The following SNX19 variants were observed in gnomAD, a reference collection of about 807,000 sequenced individuals.
The protein encoded by SNX19 is sorting nexin-19.
SNX19 carries 60 observed loss-of-function variants against 85.2 expected under a neutral mutation model. The ratio of observed to expected loss-of-function variants is 0.70; its 90% confidence interval spans 0.57 to 0.87. The LOEUF (loss-of-function observed/expected upper bound fraction) is 0.87. Among genes scored for constraint, SNX19 ranks in the 40% least tolerant of loss-of-function variants. The probability of loss-of-function intolerance (pLI) is 0.00; values close to 1 mark genes in which losing one functional copy is unlikely to be tolerated. For synonymous variants in SNX19, 520 were observed against 470.0 expected (o/e 1.11, Z -1.38); for missense variants, 1,201 against 1,217.8 (o/e 0.99, Z 0.21).
Position 130,908,160 on chromosome 11 carries a change from G to A in SNX19, c.2035-77C>T, listed in dbSNP as rs964488525. On this transcript the variant is annotated intron_variant, in intron 4 of 10. Transcript: ENST00000265909. ...CCGCCAAGCAAGCAGTCGCCTCACA[G>A]CACTTTATGCAACAGGACAAGGAGA... 9.8e-6 allele frequency: 15 copies of A among 1,532,294 alleles called. No homozygotes were observed. In the African/African-American group the frequency reaches 1.6e-4, roughly 17 times the overall value. 94.9% of individuals were successfully genotyped at this position (1,532,294 alleles called of 1,614,324 possible). A position where few individuals can be genotyped will look rare whatever the true frequency, so the allele number is the denominator to read the frequency against.
chr11:130,909,774 G>A (rs1405053851), intron 4 of SNX19, among the ~76,000 whole-genome samples: 1 of 152,162 alleles, frequency 6.6e-6, no homozygotes, highest in South Asian at 2.1e-4. Context: ...CAGGAGATAT[G>A]TGTACACTTA....
At position 130,866,306 on chromosome 11, in the gene SNX19, A is replaced by G. The variant is rs1040096770; in HGVS notation, c.*12116T>C. 8 of 152,232 alleles carry G rather than the reference A, an allele frequency of 5.3e-5. No individual in the cohort carries two copies. Among genetic ancestry groups the G allele is most frequent in the African/African-American group, 1.9e-4 (8 of 41,458 alleles). 9.4% of individuals were successfully genotyped at this position (152,232 alleles called of 1,614,324 possible). A position where few individuals can be genotyped will look rare whatever the true frequency, so the allele number is the denominator to read the frequency against. On this transcript the variant is annotated 3_prime_UTR_variant, in exon 11 of 11. Coordinates refer to ENST00000265909, the MANE Select transcript of SNX19 (RefSeq NM_014758.3). ...TTATGTGCAGGAGAGAGTACAAACC[A>G]ACATGCAACATAGTCTTCATTCTTA...
chr11:130,880,723 G>A lies in SNX19; in HGVS notation c.2657C>T (p.Pro886Leu). ...TGGAAACTTAGGCAAAACTCCACCA[G>A]GCCAGATGGACTCCTGAAGAAGCAG... is the stretch of plus-strand genomic sequence containing the variant. ...YLLLLQESIW[P>L]GGVLPKFPRP... is the part of the protein sequence containing the mutation. Residue 886 changes from proline (P) to leucine (L), a missense_variant, in exon 9 of 11, where the codon CCT becomes CTT. This residue lies in a region of SNX19 where 285 missense variants were observed against 295.3 expected (regional missense o/e 0.97). Transcript: ENST00000265909. 1 of 1,612,412 alleles carries A rather than the reference G, an allele frequency of 6.2e-7. No individual in the cohort carries two copies. The highest frequency in any genetic ancestry group is 8.5e-7 in the Non-Finnish European group (1 of 1,178,704).
chr11:130,912,128 A>C (rs146901094), intron 1 of SNX19, among the ~76,000 whole-genome samples: 1 of 152,226 alleles, frequency 6.6e-6, no homozygotes, highest in Non-Finnish European at 1.5e-5. Flanking sequence ...GCTAAACATC[A>C]TAAGGGGCAA....
intron 8 of SNX19, among the ~76,000 whole-genome samples, chr11:130,883,256 G>A (rs1287894221): frequency 6.6e-6 from 1 of 152,204 alleles, no homozygotes; most frequent in Non-Finnish European, 1.5e-5. Context: ...ACCTGATGAT[G>A]AAGATGAGTC....
chr11:130,901,213 C>A (rs930619934), intron 8 of SNX19, among the ~76,000 whole-genome samples: 4 of 152,102 alleles, frequency 2.6e-5, no homozygotes, highest in Admixed American at 2.6e-4. Flanking sequence ...AAAAATATCT[C>A]CAGATAATGG....
In SNX19 at chr11:130,915,660, C is replaced by T; in HGVS notation, c.280G>A (p.Ala94Thr). 2.5e-6 allele frequency: 4 copies of T among 1,614,266 alleles called. No homozygotes were observed. The highest frequency in any genetic ancestry group is 1.3e-5 in the African/African-American group (1 of 75,072). ...ATCTCCCGTTCCAGCTGCCTTTCTG[C>T]CTCAGGGCATGGAGGACAGGTGGCC... ...PLATCPPCPEAERQLEREINR... is the reference protein window; with the variant it reads ...PLATCPPCPETERQLEREINR... The change falls in exon 1 of 11, where the codon GCA becomes ACA. Residue 94 changes from alanine (A) to threonine (T), a missense_variant. Physicochemically the swap from Ala to Thr is moderately conservative, Grantham distance 58. This residue lies in a region of SNX19 where 791 missense variants were observed against 750.9 expected (regional missense o/e 1.05). Coordinates refer to ENST00000265909, the MANE Select transcript of SNX19 (RefSeq NM_014758.3).
Position 130,915,481 on chromosome 11 carries a change from A to T in SNX19, c.459T>A (p.Ala153=). 6 of 1,614,208 alleles carry T rather than the reference A, an allele frequency of 3.7e-6. No individual in the cohort carries two copies. The highest frequency in any genetic ancestry group is 5.1e-6 in the Non-Finnish European group (6 of 1,180,044). Reference sequence around the variant, plus strand: ...AGAGAGTCAGAACACTCTGGGCAACAGCATGACTGTCCATCACGCTCATCC... The same window carrying T: ...AGAGAGTCAGAACACTCTGGGCAACTGCATGACTGTCCATCACGCTCATCC... ...RRRMSVMDSH[A]VAQSVLTLCG... The change falls in exon 1 of 11, where the codon GCT becomes GCA. Residue 153 remains alanine, a synonymous_variant. Coordinates refer to ENST00000265909, the MANE Select transcript of SNX19 (RefSeq NM_014758.3).
At chr11:130,894,146 A>C (rs1220013035) in intron 8 of SNX19, among the ~76,000 whole-genome samples, 4 of 152,194 alleles carry the variant, frequency 2.6e-5, no homozygotes, top group Non-Finnish European at 5.9e-5. Flanking sequence ...ATAATGTATA[A>C]GATTTTAGGA....
In SNX19 at chr11:130,903,253, AC is replaced by A; in HGVS notation, c.2573+1del. 1 of 1,613,624 alleles carries A rather than the reference AC, an allele frequency of 6.2e-7. No individual in the cohort carries two copies. The highest frequency in any genetic ancestry group is 8.5e-7 in the Non-Finnish European group (1 of 1,179,610). On this transcript the variant is annotated splice_donor_variant, in intron 8 of 10. Coordinates refer to ENST00000265909, the MANE Select transcript of SNX19 (RefSeq NM_014758.3). LOFTEE classifies it high-confidence loss of function. ...ATGTGAGGGAGAATTCAGCAGTCTT[AC>A]CTTTGAACTAGGGTCCCAAAGATAA...
intron 8 of SNX19, among the ~76,000 whole-genome samples, chr11:130,900,633 T>C (rs555108817): frequency 1.3e-4 from 20 of 152,296 alleles, no homozygotes; most frequent in Admixed American, 3.9e-4. Flanking sequence ...AGGATCTCAA[T>C]CTTTTTTGAA....
intron 8 of SNX19, chr11:130,892,716 G>A (rs1197505726): frequency 6.6e-6 from 1 of 152,142 alleles, no homozygotes; most frequent in Non-Finnish European, 1.5e-5. Flanking sequence ...CTCTATTTCC[G>A]AATCCTTCCT....
At chr11:130,890,713 A>T (rs1397112249) in intron 8 of SNX19, among the ~76,000 whole-genome samples, 1 of 151,942 alleles carries the variant, frequency 6.6e-6, no homozygotes, top group Non-Finnish European at 1.5e-5. Context: ...ACATTCTTTA[A>T]ATCTCATCTC....
intron 8 of SNX19, among the ~76,000 whole-genome samples, chr11:130,881,692 T>C (rs1219736467): frequency 1.3e-5 from 2 of 152,236 alleles, no homozygotes; most frequent in African/African-American, 4.8e-5. Context: ...TCGCCTTGCC[T>C]GAAGAGCAAG....
intron 1 of SNX19, among the ~76,000 whole-genome samples, chr11:130,913,533 A>G (rs1256713995): frequency 1.3e-5 from 2 of 152,188 alleles, no homozygotes; most frequent in Non-Finnish European, 2.9e-5. Flanking sequence ...AGTTCGGAGG[A>G]GTGTAGCAAG....
intron 6 of SNX19, 38 bp downstream of exon 6, chr11:130,906,587 A>G (rs1414644280): frequency 7.1e-7 from 1 of 1,411,226 alleles, no homozygotes; most frequent in South Asian, 1.2e-5. Context: ...AACATCTCAG[A>G]TATTTTTGCC....
intron 8 of SNX19, among the ~76,000 whole-genome samples, chr11:130,885,160 G>A (rs565621270): frequency 6.6e-6 from 1 of 152,160 alleles, no homozygotes; most frequent in African/African-American, 2.4e-5. Context: ...CCTTAATAGG[G>A]GGCCTAGAAA....
chr11:130,912,169 A>G (rs73028888), intron 1 of SNX19, among the ~76,000 whole-genome samples: 24,146 of 152,224 alleles, frequency 0.16, 2,178 homozygotes, highest in Middle Eastern at 0.24. Context: ...TCCCGTGATT[A>G]TTTATATTAG....
chr11:130,903,132 A>T, intron 8 of SNX19, 123 bp downstream of exon 8: 1 of 1,384,006 alleles, frequency 7.2e-7, no homozygotes, highest in Admixed American at 2.0e-5. Flanking sequence ...TCATCCCTGT[A>T]ACCCCTGTAA....
Sources: allele counts gnomAD v4.1 joint callset (sites outside exome capture counted in the v4.1 genomes callset), GRCh38; gene constraint gnomAD v4.1.1; regional missense constraint gnomAD v4.1.1; transcripts MANE v1.5; gene names NCBI Gene and HGNC (gene_info 2026-07-23, HGNC 2026-07-21).